GNL3L: variants seen among roughly 807,000 people sequenced by gnomAD.
GNL3L encodes the protein G protein nucleolar 3 like, also known as guanine nucleotide-binding protein-like 3-like protein.
In GNL3L, 4 loss-of-function variants were observed where a neutral mutation model predicts 42.9. The observed-to-expected ratio is 0.09, with a 90% CI of 0.05 to 0.21. The LOEUF is 0.21. GNL3L is among the 10% of genes least tolerant of loss of function. The probability of loss-of-function intolerance (pLI) is 1.00; values close to 1 mark genes in which losing one functional copy is unlikely to be tolerated. For missense variants in GNL3L, 412 were observed against 481.7 expected (o/e 0.86, Z 1.36); for synonymous variants, 159 against 176.3 (o/e 0.90, Z 0.78).
At chrX:54,533,058 A>G (rs1244341160) in intron 2 of GNL3L, among the ~76,000 whole-genome samples, 1 of 112,069 alleles carries the variant, frequency 8.9e-6, no homozygotes, top group Admixed American at 9.5e-5. Flanking sequence ...TCCTTGTAAG[A>G]GAATGTTTCC....
intron 2 of GNL3L, among the ~76,000 whole-genome samples, chrX:54,537,095 T>C (rs1924458472): frequency 9.4e-6 from 1 of 105,837 alleles, no homozygotes; most frequent in African/African-American, 3.5e-5. Context: ...CCATCATAGC[T>C]CATTATAACT....
the GNL3L span, among the ~76,000 whole-genome samples, chrX:54,635,547 TCTC>T: frequency 9.0e-6 from 1 of 111,206 alleles, no homozygotes; most frequent in Non-Finnish European, 1.9e-5. Flanking sequence ...TACATTAAAT[TCTC>T]CTTTTTCCTC....
chrX:54,595,618 T>C, intron 16 of GNL3L, among the ~76,000 whole-genome samples: 2 of 111,832 alleles, frequency 1.8e-5, no homozygotes, highest in South Asian at 7.4e-4. Flanking sequence ...TTGAATTAAC[T>C]TTCTACTCCT....
Position 54,564,751 on chromosome X carries a change from T to G in GNL3L, c.*4149T>G, listed in dbSNP as rs12860708. Among the ~76,000 whole-genome samples, 1 of 96,276 alleles carries G rather than the reference T, an allele frequency of 1.0e-5. No homozygotes were observed. The highest frequency in any genetic ancestry group is 3.9e-5 in the African/African-American group (1 of 25,925). 83.6% of individuals were successfully genotyped at this position (96,276 alleles called of 115,157 possible). A position where few individuals can be genotyped will look rare whatever the true frequency, so the allele number is the denominator to read the frequency against. ...TTTGTCTTTTTTTTTTTTTTTTTTT[T>G]GAAACAGAGTCTCACTCTTTCACTG... On this transcript the variant is annotated 3_prime_UTR_variant, in exon 16 of 16. Coordinates refer to ENST00000360845, the MANE Select transcript of GNL3L (RefSeq NM_001184819.2).
chrX:54,590,465 G>A (rs1023639571), intron 16 of GNL3L, among the ~76,000 whole-genome samples: 1 of 111,604 alleles, frequency 9.0e-6, no homozygotes, highest in African/African-American at 3.3e-5. Context: ...GTCTGTTGAC[G>A]TGGTGGGTTC....
At chrX:54,572,830 G>A (rs1013867997) in intron 16 of GNL3L, among the ~76,000 whole-genome samples, 7 of 108,515 alleles carry the variant, frequency 6.5e-5, no homozygotes, top group African/African-American at 2.4e-4. Context: ...CTTCTCAGGC[G>A]GGGCGGCCGG....
downstream of GNL3L, among the ~76,000 whole-genome samples, chrX:54,622,564 C>T (rs955930486): frequency 1.8e-5 from 2 of 109,884 alleles, no homozygotes; most frequent in African/African-American, 3.3e-5. Context: ...GGAGTACAGG[C>T]ATAAGCCACT....
chrX:54,627,804 A>G, the GNL3L span, among the ~76,000 whole-genome samples: 1 of 111,433 alleles, frequency 9.0e-6, no homozygotes, highest in Admixed American at 9.5e-5. Context: ...CATGTGTTTT[A>G]CTGTTTCCAA....
At chrX:54,551,444 C>T in intron 10 of GNL3L, 124 bp from the exon 11 acceptor site, 1 of 534,003 alleles carries the variant, frequency 1.9e-6, no homozygotes, top group Non-Finnish European at 3.1e-6. Flanking sequence ...CTCTACATCT[C>T]TCCACCTTCG....
At chrX:54,570,345 T>A (rs746243927), downstream of GNL3L, among the ~76,000 whole-genome samples, 8 of 112,415 alleles carry the variant, frequency 7.1e-5, no homozygotes, top group Non-Finnish European at 1.3e-4. Flanking sequence ...GCATTTTGTC[T>A]AGTATAAATA....
rs781526946 is a variant in GNL3L, at chrX:54,564,731, CTTTTTTT to C, written c.*4143_*4149del. ...TTTTTCTTTGTTCTTATATTTTTGT[CTTTTTTT>C]TTTTTTTTTTTTTGAAACAGAGTCT... is the stretch of plus-strand genomic sequence containing the variant. On this transcript the variant is annotated 3_prime_UTR_variant, in exon 16 of 16. Transcript: ENST00000360845. 1.1e-4 allele frequency among the ~76,000 whole-genome samples: 8 copies of C among 71,898 alleles called. No homozygotes were observed. Among genetic ancestry groups the C allele is most frequent in the East Asian group, 8.0e-4 (2 of 2,487 alleles). 62.4% of individuals were successfully genotyped at this position (71,898 alleles called of 115,157 possible). A position where few individuals can be genotyped will look rare whatever the true frequency, so the allele number is the denominator to read the frequency against.
chrX:54,641,326 G>A, the GNL3L span, among the ~76,000 whole-genome samples: 1 of 111,344 alleles, frequency 9.0e-6, no homozygotes. Flanking sequence ...CCTGTATAAT[G>A]AAATTTCATT....
chrX:54,607,016 CTTTCTTTCTTTCTTTCTT>C (rs1926078073), intron 16 of GNL3L, among the ~76,000 whole-genome samples: 16 of 54,574 alleles, frequency 2.9e-4, no homozygotes, highest in African/African-American at 1.3e-3. Flanking sequence ...TTCTTTCTTT[CTTTCTTTCTTTCTTTCTT>C]TCTTTCTTTC....
chrX:54,584,002 C>T (rs953844991), intron 16 of GNL3L, among the ~76,000 whole-genome samples: 2 of 110,981 alleles, frequency 1.8e-5, no homozygotes, highest in African/African-American at 6.6e-5. Flanking sequence ...AAGAACATAC[C>T]TCAACATAAT....
At chrX:54,536,510 C>T (rs1374046898) in intron 2 of GNL3L, among the ~76,000 whole-genome samples, 1 of 109,337 alleles carries the variant, frequency 9.1e-6, no homozygotes. Context: ...CAGGGCCAGG[C>T]GTGGTGGCTC....
rs1265122469 is a variant in GNL3L, at chrX:54,561,716, G to A, written c.*1114G>A. Among the ~76,000 whole-genome samples the A allele has an allele frequency of 9.0e-6, 1 of 111,639 alleles. No homozygotes were observed. Among genetic ancestry groups the A allele is most frequent in the Non-Finnish European group, 1.9e-5 (1 of 53,081 alleles). The stretch of plus-strand genomic sequence containing the variant: ...GCATTTGAATTCCATGGCTCAAGAG[G>A]GTTCTGGTACCATTTATTCACAGAC... On this transcript the variant is annotated 3_prime_UTR_variant, in exon 16 of 16. Transcript: ENST00000360845.
chrX:54,628,243 G>GTGTGTGTGTGTA, the GNL3L span, among the ~76,000 whole-genome samples: 1 of 102,789 alleles, frequency 9.7e-6, no homozygotes, highest in Non-Finnish European at 1.9e-5. Flanking sequence ...GTGTGTGTGT[G>GTGTGTGTGTGTA]TGTGTGTGTA....
intron 16 of GNL3L, among the ~76,000 whole-genome samples, chrX:54,603,455 C>T (rs1307460542): frequency 9.0e-6 from 1 of 111,731 alleles, no homozygotes; most frequent in Non-Finnish European, 1.9e-5. Context: ...TGAATATTTA[C>T]ATAGCTTCAA....
At chrX:54,586,971 A>C (rs1233456237) in intron 16 of GNL3L, among the ~76,000 whole-genome samples, 1 of 111,823 alleles carries the variant, frequency 8.9e-6, no homozygotes, top group Non-Finnish European at 1.9e-5. Flanking sequence ...CCAACCCATC[A>C]CAGCCAGTTC....
Sources: allele counts gnomAD v4.1 joint callset (sites outside exome capture counted in the v4.1 genomes callset), GRCh38; gene constraint gnomAD v4.1.1; transcripts MANE v1.5; gene names NCBI Gene and HGNC (gene_info 2026-07-23, HGNC 2026-07-21).